Variants in IL5RA observed in about 807,000 individuals in gnomAD.
IL5RA encodes the protein interleukin-5 receptor subunit alpha.
In IL5RA, 49 loss-of-function variants were observed where a neutral mutation model predicts 50.0. The ratio of observed to expected loss-of-function variants is 0.98; its 90% CI spans 0.78 to 1.24. The LOEUF (loss-of-function observed/expected upper bound fraction) is 1.24. Among genes scored for constraint, IL5RA ranks in the 50% most tolerant of loss-of-function variants. IL5RA has a pLI of 0.00. For synonymous variants in IL5RA, 202 were observed against 174.0 expected, an observed-to-expected ratio of 1.16 and a Z score of -1.26; for missense variants, 600 against 500.4, an observed-to-expected ratio of 1.20 and a Z score of -1.90.
intron 9 of IL5RA, among the ~76,000 whole-genome samples, chr3:3,085,632 G>A (rs1702824445): frequency 6.6e-6 from 1 of 152,124 alleles, no homozygotes; most frequent in South Asian, 2.1e-4. Context: ...CCAGGACAAA[G>A]GTACCAAGTC....
At position 3,086,298 on chromosome 3, in the gene IL5RA, C is replaced by T. The variant is rs17882067; in HGVS notation, c.994+5926G>A. On this transcript the variant is annotated intron_variant, in intron 9 of 11. Coordinates refer to ENST00000446632, the MANE Select transcript of IL5RA (RefSeq NM_175726.4). ...CTTGGCATTTGAGCTTCATGGATGG[C>T]GGGAAGAAGAGAAGATGATGGACTT... Among the ~76,000 whole-genome samples, 425 of 152,016 alleles carry T rather than the reference C, an allele frequency of 2.8e-3. 1 individual carries two copies. The highest frequency in any genetic ancestry group is 8.8e-3 in the African/African-American group (363 of 41,438).
chr3:3,106,706 C>T (rs1375345900), intron 2 of IL5RA, among the ~76,000 whole-genome samples: 3 of 152,058 alleles, frequency 2.0e-5, no homozygotes, highest in Admixed American at 6.6e-5. Flanking sequence ...TCCTTAAGAA[C>T]AGCAACAAAG....
intron 9 of IL5RA, chr3:3,090,347 C>T (rs1337345769): frequency 7.8e-6 from 7 of 898,020 alleles, no homozygotes; most frequent in South Asian, 3.2e-5. Context: ...ATGTAAGGCT[C>T]CAGTCTTCTT....
rs17886516 is a variant in IL5RA, at chr3:3,090,785, G to A, written c.994+1439C>T. ...AGACAGGGTTTCACCATGTTACCGA[G>A]GATGGTCTCGATCTCCTGACCTCGT... is the stretch of plus-strand genomic sequence containing the variant. On this transcript the variant is annotated intron_variant, in intron 9 of 11. Coordinates refer to ENST00000446632, the MANE Select transcript of IL5RA (RefSeq NM_175726.4). Among the ~76,000 whole-genome samples the A allele has an allele frequency of 3.8e-3, 576 of 152,054 alleles. 3 individuals are homozygous for A. The highest frequency in any genetic ancestry group is 0.013 in the African/African-American group (558 of 41,444).
At chr3:3,099,658 T>TTTTTTATTATTA (rs1553752865) in intron 5 of IL5RA, among the ~76,000 whole-genome samples, 7 of 144,280 alleles carry the variant, frequency 4.9e-5, no homozygotes, top group African/African-American at 7.7e-5. Flanking sequence ...TTTTATTTTA[T>TTTTTTATTATTA]TTATTATTAT....
At chr3:3,090,094 A>C (rs1350073748) in intron 9 of IL5RA, 1 of 1,065,364 alleles carries the variant, frequency 9.4e-7, no homozygotes. Flanking sequence ...AAACTTTCCA[A>C]ACAAGTTTTT....
chr3:3,075,179 A>ATGT (rs1279874169), intron 10 of IL5RA, among the ~76,000 whole-genome samples: 5 of 116,570 alleles, frequency 4.3e-5, no homozygotes, highest in Non-Finnish European at 7.2e-5. Context: ...TTCCTCAATT[A>ATGT]TGTTTACTCA....
At chr3:3,070,699 C>T (rs914764373) in intron 11 of IL5RA, among the ~76,000 whole-genome samples, 1 of 150,006 alleles carries the variant, frequency 6.7e-6, no homozygotes, top group South Asian at 2.1e-4. Flanking sequence ...TCTCCTGCCT[C>T]AGCCTCCCAA....
chr3:3,105,527 A>T (rs532922151), intron 2 of IL5RA: 2 of 152,346 alleles, frequency 1.3e-5, no homozygotes, highest in Admixed American at 1.3e-4. Flanking sequence ...AATCTAAAAC[A>T]ATCTGTAGCC....
chr3:3,095,543 T>C (rs764072338), intron 7 of IL5RA, 99 bp from the exon 8 acceptor site: 125 of 996,028 alleles, frequency 1.3e-4, no homozygotes, highest in Non-Finnish European at 1.8e-4. Flanking sequence ...ATTTCTAAGA[T>C]ACGCTTTTTT....
Position 3,076,589 on chromosome 3 carries a change from T to A in IL5RA, c.1033A>T (p.Ile345Phe), listed in dbSNP as rs1480067455. 32 of 1,612,694 alleles carry A rather than the reference T, an allele frequency of 2.0e-5. No homozygotes were observed. Among genetic ancestry groups the A allele is most frequent in the Non-Finnish European group, 2.7e-5 (32 of 1,178,832 alleles). ...EHKPLREWFV[I>F]VIMATICFIL... is the part of the protein sequence containing the mutation. ...AAGCAGATGGTTGCCATAATCACAATGACAAACCACTCTCTCAAGGGCTTG... is the reference window on the plus strand; with the variant it reads ...AAGCAGATGGTTGCCATAATCACAAAGACAAACCACTCTCTCAAGGGCTTG... Residue 345 changes from isoleucine to phenylalanine, a missense_variant, in exon 10 of 12, where the codon ATT (isoleucine) becomes TTT (phenylalanine). Coordinates refer to ENST00000446632, the MANE Select transcript of IL5RA (RefSeq NM_175726.4).
intron 9 of IL5RA, among the ~76,000 whole-genome samples, chr3:3,090,686 C>T (rs1703056701): frequency 6.6e-6 from 1 of 151,530 alleles, no homozygotes; most frequent in African/African-American, 2.4e-5. Context: ...CCTGCCTCAG[C>T]CTCCCGAGTA....
At position 3,092,103 on chromosome 3, in the gene IL5RA, A is replaced by G; in HGVS notation, c.994+121T>C. The G allele has an allele frequency of 6.8e-7, 1 of 1,464,528 alleles. No individual in the cohort carries two copies. 90.7% of individuals were successfully genotyped at this position (1,464,528 alleles called of 1,614,324 possible). ...TGAAAAGGCAGTAGACCGAGAGAAA[A>G]TTAGTCACAATAGAGATATGAAACC... On this transcript the variant is annotated intron_variant, in intron 9 of 11. Coordinates refer to ENST00000446632, the MANE Select transcript of IL5RA (RefSeq NM_175726.4). This position sits in a 1 kb window ranked among gnomAD's most constrained non-coding sequence, Gnocchi z 4.2.
chr3:3,088,434 T>C (rs1702962088), intron 9 of IL5RA, among the ~76,000 whole-genome samples: 1 of 152,228 alleles, frequency 6.6e-6, no homozygotes, highest in African/African-American at 2.4e-5. Flanking sequence ...CACGATTCCT[T>C]CTGACAATCT....
chr3:3,101,639 C>T (rs1311279389), intron 5 of IL5RA, 53 bp downstream of exon 5: 15 of 1,570,078 alleles, frequency 9.6e-6, no homozygotes, highest in Non-Finnish European at 6.9e-6. Flanking sequence ...TCTACTTTTC[C>T]ATATTTGCAA....
At chr3:3,106,065 T>A (rs1703908880) in intron 2 of IL5RA, among the ~76,000 whole-genome samples, 2 of 152,204 alleles carry the variant, frequency 1.3e-5, no homozygotes, top group Admixed American at 1.3e-4. Flanking sequence ...CCATGGACGT[T>A]ATTCCTACCC....
Position 3,098,191 on chromosome 3 carries a change from G to A in IL5RA, c.467C>T (p.Thr156Ile), listed in dbSNP as rs779139994. 1.2e-6 allele frequency: 2 copies of A among 1,614,110 alleles called. No homozygotes were observed. The highest frequency in any genetic ancestry group is 2.2e-5 in the East Asian group (1 of 44,880). ...AGGGGCATCTGTGCCAACAAGCCAG[G>A]TGCAGTGAAGGGAAACTTGGTATGA... is the stretch of plus-strand genomic sequence containing the variant. ...LRSYQVSLHC[T>I]WLVGTDAPED... is the part of the protein sequence containing the mutation. The change falls in exon 6 of 12, where the codon ACC (threonine) becomes ATC (isoleucine). Residue 156 changes from threonine (T) to isoleucine (I), a missense_variant. Coordinates refer to ENST00000446632, the MANE Select transcript of IL5RA (RefSeq NM_175726.4).
In IL5RA at chr3:3,068,614, A is replaced by AAAAAAAAAAAAAAAAAAAG. The variant is rs1559856794; in HGVS notation, c.*1610_*1611insCTTTTTTTTTTTTTTTTTT. On this transcript the variant is annotated 3_prime_UTR_variant, in exon 12 of 12. Transcript: ENST00000446632. ...AAAAAAAAAAAAAAAAAAAACAAAA[A>AAAAAAAAAAAAAAAAAAAG]CAGGTTTGAGATTATGAATCATTTG... 2 of 135,614 alleles carry AAAAAAAAAAAAAAAAAAAG rather than the reference A, an allele frequency of 1.5e-5. No individual in the cohort carries two copies. The highest frequency in any genetic ancestry group is 5.4e-5 in the African/African-American group (2 of 37,010). The allele number at this position is 135,614 out of a possible 1,614,324, so 8.4% of individuals were successfully genotyped here.
chr3:3,094,205 C>G (rs1160684574), intron 8 of IL5RA, among the ~76,000 whole-genome samples: 2 of 152,060 alleles, frequency 1.3e-5, no homozygotes, highest in East Asian at 3.9e-4. Context: ...TGTTGTGTCA[C>G]CAATGTTCAA....
Sources: allele counts gnomAD v4.1 joint callset (sites outside exome capture counted in the v4.1 genomes callset), GRCh38; gene constraint gnomAD v4.1.1; non-coding constraint Gnocchi (gnomAD v3.1); transcripts MANE v1.5; gene names NCBI Gene and HGNC (gene_info 2026-07-23, HGNC 2026-07-21).